The following CDH23 variants were observed in gnomAD, a reference collection of about 807,000 sequenced individuals.
The protein encoded by CDH23 is cadherin related 23.
CDH23 carries 189 observed loss-of-function variants against 317.1 expected under a neutral mutation model. The observed-to-expected ratio is 0.60, with a 90% confidence interval of 0.53 to 0.67. The LOEUF is 0.67. Ranked by LOEUF, CDH23 falls within the 30% of genes least tolerant of loss-of-function variation. The pLI is 0.00. For missense variants in CDH23, 4,401 were observed against 4,592.4 expected (o/e 0.96, Z 1.20); for synonymous variants, 1,839 against 1,876.8 (o/e 0.98, Z 0.52).
rs143216654 is a variant in CDH23 at position 71,444,536 on chromosome 10, G to C, written c.68-1782G>C. Among the ~76,000 whole-genome samples, 28 of 152,322 alleles carry C rather than the reference G, an allele frequency of 1.8e-4. No homozygotes were observed. The South Asian group carries it at 2.1e-3, about 11-fold the overall frequency. Reference sequence around the variant, plus strand: ...GAAATGAGATTTGGAGGATGAATAGGAATTTGGCAAATGAAGGCAGAAGGG... The same window carrying C: ...GAAATGAGATTTGGAGGATGAATAGCAATTTGGCAAATGAAGGCAGAAGGG... On this transcript the variant is annotated intron_variant, in intron 2 of 69. Coordinates refer to ENST00000224721, the MANE Select transcript of CDH23 (RefSeq NM_022124.6).
intron 9 of CDH23, among the ~76,000 whole-genome samples, chr10:71,606,861 T>G (rs572226420): frequency 6.6e-6 from 1 of 151,998 alleles, no homozygotes. Context: ...TTGGGAAGCT[T>G]TGGGGAGGGG....
intron 38 of CDH23, among the ~76,000 whole-genome samples, chr10:71,773,756 G>T (rs1274331449): frequency 6.6e-6 from 1 of 152,194 alleles, no homozygotes; most frequent in African/African-American, 2.4e-5. Context: ...CTTTTGGAGA[G>T]AAATTATTAT....
chr10:71,420,491 A>ATGATGATGATGG (rs1564568741), intron 1 of CDH23, among the ~76,000 whole-genome samples: 1 of 84,270 alleles, frequency 1.2e-5, no homozygotes. Context: ...GGTGATGGTG[A>ATGATGATGATGG]TGATGGTAAT....
At chr10:71,691,619 G>C (rs12247768) in intron 20 of CDH23, among the ~76,000 whole-genome samples, 33,327 of 152,140 alleles carry the variant, frequency 0.22, 3,953 homozygotes, top group South Asian at 0.28. Context: ...CCCCTTCCAT[G>C]TTGTGGCTCC....
At chr10:71,458,768 A>G (rs1850822177) in intron 3 of CDH23, among the ~76,000 whole-genome samples, 1 of 152,166 alleles carries the variant, frequency 6.6e-6, no homozygotes, top group Non-Finnish European at 1.5e-5. Flanking sequence ...AAGTAAGATT[A>G]AAGTAAGGGT....
chr10:71,573,811 C>T (rs1191731486), intron 8 of CDH23, among the ~76,000 whole-genome samples: 5 of 152,190 alleles, frequency 3.3e-5, no homozygotes, highest in Non-Finnish European at 7.4e-5. Flanking sequence ...CCAGCCTGGC[C>T]CGGCTCCCCT....
chr10:71,427,259 G>GGGAAAGAA (rs1564573058), intron 1 of CDH23, among the ~76,000 whole-genome samples: 1 of 142,212 alleles, frequency 7.0e-6, no homozygotes, highest in Non-Finnish European at 1.5e-5. Flanking sequence ...AAGAAAGAAA[G>GGGAAAGAA]AGAAAGAGAG....
At chr10:71,639,045 C>G (rs543240264) in intron 11 of CDH23, among the ~76,000 whole-genome samples, 1 of 152,304 alleles carries the variant, frequency 6.6e-6, no homozygotes, top group South Asian at 2.1e-4. Context: ...TTTCATGTGT[C>G]CTTCCCCTCC....
chr10:71,705,693 G>T (rs917480869), intron 25 of CDH23, among the ~76,000 whole-genome samples: 2 of 152,194 alleles, frequency 1.3e-5, no homozygotes, highest in Non-Finnish European at 2.9e-5. Flanking sequence ...TGAAGGGACG[G>T]GGTACTGTTT....
In CDH23 at chr10:71,732,017, T is replaced by C. The variant is rs1201620910; in HGVS notation, c.3746T>C (p.Leu1249Pro). 1 of 1,613,806 alleles carries C rather than the reference T, an allele frequency of 6.2e-7. No homozygotes were observed. Among genetic ancestry groups the C allele is most frequent in the African/African-American group, 1.3e-5 (1 of 74,922 alleles). The change falls in exon 32 of 70, where the codon CTG (leucine) becomes CCG (proline). Residue 1249 changes from leucine to proline, a missense_variant. By Grantham distance (98) the Leu-to-Pro change is moderately conservative (BLOSUM62 -3). Around this residue, in one of 3 missense-constraint regions of CDH23, gnomAD observed 3,068 missense variants for 3,203.3 expected, o/e 0.96. Transcript: ENST00000224721. Reference sequence around the variant, plus strand: ...GGTGGCCTGGTGAACTACCGCATCCTGTCGGGCGCAGAGGGGAAGTTTGAG... The same window carrying C: ...GGTGGCCTGGTGAACTACCGCATCCCGTCGGGCGCAGAGGGGAAGTTTGAG... ...GDGGLVNYRILSGAEGKFEID... is the reference protein window; with the variant it reads ...GDGGLVNYRIPSGAEGKFEID...
At chr10:71,673,603 C>A (rs567362680) in intron 14 of CDH23, among the ~76,000 whole-genome samples, 24 of 152,330 alleles carry the variant, frequency 1.6e-4, no homozygotes, top group African/African-American at 5.8e-4. Context: ...GGCTCAGAGG[C>A]AATCACTGAT....
intron 8 of CDH23, 76 bp from the exon 9 acceptor site, chr10:71,577,838 G>T: frequency 7.8e-7 from 1 of 1,278,036 alleles, no homozygotes; most frequent in Non-Finnish European, 1.1e-6. Flanking sequence ...GAGGGAAGCT[G>T]TGGGTGCCAT....
intron 9 of CDH23, among the ~76,000 whole-genome samples, chr10:71,585,090 G>A (rs891538887): frequency 6.6e-6 from 1 of 152,210 alleles, no homozygotes; most frequent in Non-Finnish European, 1.5e-5. Flanking sequence ...TCTGCTAACA[G>A]GCTGTGGCTC....
At chr10:71,398,935 C>A (rs1166995435) in intron 1 of CDH23, among the ~76,000 whole-genome samples, 1 of 152,138 alleles carries the variant, frequency 6.6e-6, no homozygotes, top group African/African-American at 2.4e-5. Context: ...TGTGCTGGGT[C>A]CGCATATACT....
intron 38 of CDH23, among the ~76,000 whole-genome samples, chr10:71,769,981 G>A (rs1322520972): frequency 2.0e-5 from 3 of 152,218 alleles, no homozygotes; most frequent in Non-Finnish European, 4.4e-5. Context: ...AAGAGAACCT[G>A]TAGGCACCTC....
intron 11 of CDH23, among the ~76,000 whole-genome samples, chr10:71,620,414 G>A (rs144485123): frequency 2.6e-5 from 4 of 152,284 alleles, no homozygotes; most frequent in South Asian, 2.1e-4. Flanking sequence ...ATGTAAGGCC[G>A]GAACCCCCCA....
At chr10:71,615,677 C>T (rs1861145396) in intron 10 of CDH23, 61 bp downstream of exon 10, 2 of 1,222,202 alleles carry the variant, frequency 1.6e-6, no homozygotes, top group South Asian at 1.3e-5. Flanking sequence ...CGGATGCCAA[C>T]CTCCAGCAGT....
rs747391147 is a variant in CDH23, at chr10:71,808,025, A to G, written c.8722+18A>G. 6.4e-7 allele frequency: 1 copy of G among 1,570,066 alleles called. No homozygotes were observed. Among genetic ancestry groups the G allele is most frequent in the South Asian group, 1.2e-5 (1 of 85,510 alleles). On this transcript the variant is annotated intron_variant, in intron 60 of 69. Coordinates refer to ENST00000224721, the MANE Select transcript of CDH23 (RefSeq NM_022124.6). ...CACCATGGGTAGGGCCTGGCAGCAC[A>G]TGAGTGGCCTCTAGCCATGACCTCT...
Position 71,449,548 on chromosome 10 carries a change from G to T in CDH23, c.145+3153G>T, listed in dbSNP as rs184012171. The stretch of plus-strand genomic sequence containing the variant: ...ACACATATGACATACTATATATATA[G>T]ATATATAGATATATCATAAATTATT... On this transcript the variant is annotated intron_variant, in intron 3 of 69. Transcript: ENST00000224721. Among the ~76,000 whole-genome samples the T allele has an allele frequency of 1.3e-4, 20 of 152,146 alleles. No homozygotes were observed. The East Asian group carries it at 3.7e-3, about 28-fold the overall frequency.
Sources: allele counts gnomAD v4.1 joint callset (sites outside exome capture counted in the v4.1 genomes callset), GRCh38; gene constraint gnomAD v4.1.1; regional missense constraint gnomAD v4.1.1; transcripts MANE v1.5; gene names NCBI Gene and HGNC (gene_info 2026-07-23, HGNC 2026-07-21).